KMO: variants seen among roughly 807,000 people sequenced by gnomAD.
KMO encodes the protein kynurenine 3-monooxygenase.
In KMO, 24 loss-of-function variants were observed where a neutral mutation model predicts 57.8. The ratio of observed to expected loss-of-function variants is 0.42; its 90% CI spans 0.30 to 0.58. The LOEUF (loss-of-function observed/expected upper bound fraction) is 0.58. KMO is among the 20% of genes least tolerant of loss of function. KMO has a pLI of 0.22. For synonymous variants in KMO, 210 were observed against 193.6 expected (o/e 1.08, Z -0.70); for missense variants, 483 against 588.2 (o/e 0.82, Z 1.85).
chr1:241,583,824 G>GA (rs1662857722), intron 10 of KMO, among the ~76,000 whole-genome samples: 1 of 151,934 alleles, frequency 6.6e-6, no homozygotes, highest in Admixed American at 6.5e-5. Context: ...TGTTCAGTTA[G>GA]AAAAAATGTA....
chr1:241,533,083 G>A (rs1464770373), intron 1 of KMO, among the ~76,000 whole-genome samples: 2 of 152,354 alleles, frequency 1.3e-5, no homozygotes, highest in South Asian at 2.1e-4. Context: ...CACTGAGCAC[G>A]TGACGTAAAG....
chr1:241,533,496 A>T (rs879859633), intron 1 of KMO, among the ~76,000 whole-genome samples: 11 of 152,080 alleles, frequency 7.2e-5, no homozygotes, highest in Non-Finnish European at 1.3e-4. Flanking sequence ...AATATTTCTG[A>T]TTCTAAATTT....
rs1663393836 is a variant in KMO at position 241,593,495 on chromosome 1, A to C, written c.*1342A>C. ...TTTCTTTTCTATATTGTCAATGAAA[A>C]CCTTGAGTTCTAATAATCCATGTTC... On this transcript the variant is annotated 3_prime_UTR_variant, in exon 15 of 15. Transcript: ENST00000366559. The C allele has an allele frequency of 3.2e-6, 1 of 312,126 alleles. No individual in the cohort carries two copies. Among genetic ancestry groups the C allele is most frequent in the Non-Finnish European group, 7.4e-6 (1 of 134,352 alleles). The allele number at this position is 312,126 out of a possible 1,614,324, so 19.3% of individuals were successfully genotyped here. A position where few individuals can be genotyped will look rare whatever the true frequency, so the allele number is the denominator to read the frequency against.
intron 5 of KMO, among the ~76,000 whole-genome samples, chr1:241,559,640 AAAGAGTAAAAT>A (rs991427112): frequency 1.8e-4 from 28 of 152,186 alleles, no homozygotes; most frequent in Admixed American, 1.7e-3. Context: ...CTGAAACAAA[AAAGAGTAAAAT>A]AAGACAAGAT....
At chr1:241,577,889 C>G (rs1424578623) in intron 10 of KMO, among the ~76,000 whole-genome samples, 1 of 152,126 alleles carries the variant, frequency 6.6e-6, no homozygotes, top group Non-Finnish European at 1.5e-5. Flanking sequence ...ACGGTGGGAG[C>G]CACCTCTCCC....
chr1:241,541,525 C>T (rs182529358), intron 1 of KMO, among the ~76,000 whole-genome samples: 5 of 152,218 alleles, frequency 3.3e-5, no homozygotes, highest in Non-Finnish European at 5.9e-5. Context: ...AAGATCAAGA[C>T]TAGAGTAAAA....
At chr1:241,591,022 A>AC (rs1228989639) in intron 14 of KMO, among the ~76,000 whole-genome samples, 1 of 152,174 alleles carries the variant, frequency 6.6e-6, no homozygotes, top group Admixed American at 6.5e-5. Flanking sequence ...CTTGAGAGAA[A>AC]CAGGGAGCCC....
At chr1:241,535,620 AC>A (rs1374373616) in intron 1 of KMO, among the ~76,000 whole-genome samples, 1 of 152,214 alleles carries the variant, frequency 6.6e-6, no homozygotes, top group Non-Finnish European at 1.5e-5. Flanking sequence ...AAGAAACTAA[AC>A]CATAATCATA....
chr1:241,547,795 T>A (rs1413309968), intron 1 of KMO, among the ~76,000 whole-genome samples: 1 of 152,158 alleles, frequency 6.6e-6, no homozygotes, highest in Non-Finnish European at 1.5e-5. Flanking sequence ...TGACGGTACA[T>A]AAACTTTTGA....
At chr1:241,576,982 G>T (rs1435994586) in intron 10 of KMO, among the ~76,000 whole-genome samples, 1 of 151,988 alleles carries the variant, frequency 6.6e-6, no homozygotes, top group Non-Finnish European at 1.5e-5. Flanking sequence ...CAAAAGCCTT[G>T]TCTTTGAGCT....
At chr1:241,536,271 C>CA (rs947539574) in intron 1 of KMO, among the ~76,000 whole-genome samples, 1 of 152,034 alleles carries the variant, frequency 6.6e-6, no homozygotes, top group Non-Finnish European at 1.5e-5. Context: ...ACCTGCATTA[C>CA]AAAAAAACTG....
At chr1:241,565,599 G>A (rs989182081) in intron 8 of KMO, among the ~76,000 whole-genome samples, 22 of 149,302 alleles carry the variant, frequency 1.5e-4, no homozygotes, top group South Asian at 8.5e-4. Flanking sequence ...ATGGTGACAC[G>A]TGCATCCCCA....
chr1:241,548,724 T>C (rs374808818), intron 1 of KMO, 105 bp from the exon 2 acceptor site: 3 of 653,562 alleles, frequency 4.6e-6, no homozygotes, highest in Admixed American at 2.3e-5. Flanking sequence ...CCACACACAA[T>C]GTGAGGCTAG....
At position 241,562,384 on chromosome 1, in the gene KMO, G is replaced by C. The variant is rs142162009; in HGVS notation, c.615+52G>C. On this transcript the variant is annotated intron_variant, in intron 7 of 14. Transcript: ENST00000366559. ...TTCCCACAACCCTTGCTCCATGAGC[G>C]CGAATGCGTATTCTAGTGCAGTGGT... is the stretch of plus-strand genomic sequence containing the variant. The C allele has an allele frequency of 3.2e-6, 5 of 1,561,856 alleles. No individual in the cohort carries two copies. In the South Asian group the frequency reaches 5.7e-5, roughly 18 times the overall value.
At chr1:241,591,766 G>C (rs535139756) in intron 14 of KMO, among the ~76,000 whole-genome samples, 187 bp from the exon 15 acceptor site, 10 of 152,304 alleles carry the variant, frequency 6.6e-5, no homozygotes, top group African/African-American at 2.4e-4. Context: ...AGGGAGAAGG[G>C]AGGCTCCCAA....
At chr1:241,576,600 CT>C in intron 10 of KMO, among the ~76,000 whole-genome samples, 1 of 152,266 alleles carries the variant, frequency 6.6e-6, no homozygotes, top group East Asian at 1.9e-4. Flanking sequence ...TCCTTGCTGA[CT>C]TGTAAGATTT....
chr1:241,533,894 C>T lies in KMO; in HGVS notation c.54+1396C>T, dbSNP rs115187590. 7.9e-3 allele frequency among the ~76,000 whole-genome samples: 1,209 copies of T among 152,240 alleles called. 17 individuals are homozygous for T. Among genetic ancestry groups the T allele is most frequent in the African/African-American group, 0.027 (1,116 of 41,542 alleles). On this transcript the variant is annotated intron_variant, in intron 1 of 14. Coordinates refer to ENST00000366559, the MANE Select transcript of KMO (RefSeq NM_003679.5). ...CTGAATGATCAGATAGAACTAACTA[C>T]GTGAAGATCTTGAGAAAGAGCATTT... is the stretch of plus-strand genomic sequence containing the variant.
At chr1:241,532,772 T>A (rs941924826) in intron 1 of KMO, among the ~76,000 whole-genome samples, 1 of 152,180 alleles carries the variant, frequency 6.6e-6, no homozygotes, top group Non-Finnish European at 1.5e-5. Context: ...TAGGATTTGT[T>A]AAAAAGCAAA....
chr1:241,549,730 C>T lies in KMO; in HGVS notation c.178C>T (p.His60Tyr). The change falls in exon 3 of 15, where the codon CAT becomes TAT. Residue 60 changes from histidine to tyrosine, a missense_variant. Physicochemically the swap from His to Tyr is moderately conservative, Grantham distance 83 (BLOSUM62 2). Around this residue, in one of 3 missense-constraint regions of KMO, gnomAD observed 70 missense variants for 78.4 expected, o/e 0.89. Coordinates refer to ENST00000366559, the MANE Select transcript of KMO (RefSeq NM_003679.5). ...AAGAAGCATTAACTTAGCCCTTTCTCATAGAGGACGACAAGCCTTGAAAGC... is the reference window on the plus strand; with the variant it reads ...AAGAAGCATTAACTTAGCCCTTTCTTATAGAGGACGACAAGCCTTGAAAGC... ...RGRSINLALS[H>Y]RGRQALKAVG... 4 of 1,613,650 alleles carry T rather than the reference C, an allele frequency of 2.5e-6. No homozygotes were observed. The highest frequency in any genetic ancestry group is 3.4e-6 in the Non-Finnish European group (4 of 1,179,702).
Sources: allele counts gnomAD v4.1 joint callset (sites outside exome capture counted in the v4.1 genomes callset), GRCh38; gene constraint gnomAD v4.1.1; regional missense constraint gnomAD v4.1.1; transcripts MANE v1.5; gene names NCBI Gene and HGNC (gene_info 2026-07-23, HGNC 2026-07-21).